The following TMEM163 variants were observed in gnomAD, a reference collection of about 807,000 sequenced individuals.
TMEM163 encodes the protein transmembrane protein 163.
A neutral mutation model predicts 29.3 loss-of-function variants in TMEM163; 17 were observed. The observed-to-expected ratio is 0.58, with a 90% CI of 0.40 to 0.87. The LOEUF (loss-of-function observed/expected upper bound fraction) is 0.87. TMEM163 is among the 40% of genes least tolerant of loss of function. The pLI, the probability that TMEM163 is intolerant of heterozygous loss-of-function variation, is 0.00. For missense variants in TMEM163, 303 were observed against 381.5 expected (o/e 0.79, Z 1.71); for synonymous variants, 157 against 160.6 (o/e 0.98, Z 0.17).
chr2:134,571,760 A>T (rs772699978), intron 2 of TMEM163, among the ~76,000 whole-genome samples: 1 of 152,200 alleles, frequency 6.6e-6, no homozygotes, highest in Non-Finnish European at 1.5e-5. Flanking sequence ...TTCCTCTAGC[A>T]TCAAGTTGGG....
At chr2:134,523,753 G>A (rs1270023233) in intron 4 of TMEM163, among the ~76,000 whole-genome samples, 1 of 152,160 alleles carries the variant, frequency 6.6e-6, no homozygotes, top group African/African-American at 2.4e-5. Flanking sequence ...GAAGTGGGGA[G>A]GGGTCCTGAA....
chr2:134,514,095 A>G (rs1284660185), intron 4 of TMEM163, among the ~76,000 whole-genome samples: 1 of 152,196 alleles, frequency 6.6e-6, no homozygotes, highest in Non-Finnish European at 1.5e-5. Flanking sequence ...GCTGAGGTTA[A>G]AGAAGAAGGG....
intron 5 of TMEM163, among the ~76,000 whole-genome samples, chr2:134,485,668 T>G (rs1679291668): frequency 6.6e-6 from 1 of 152,188 alleles, no homozygotes; most frequent in Non-Finnish European, 1.5e-5. Context: ...ATAATCTCCT[T>G]TACTTAAAGA....
intron 2 of TMEM163, among the ~76,000 whole-genome samples, chr2:134,677,256 C>T (rs568878245): frequency 1.3e-5 from 2 of 152,160 alleles, no homozygotes; most frequent in African/African-American, 2.4e-5. Flanking sequence ...CGCTGGCCTG[C>T]GACATGGAGC....
At chr2:134,700,941 A>AATAAATAAATAAATAC (rs371684167) in intron 2 of TMEM163, among the ~76,000 whole-genome samples, 9 of 146,368 alleles carry the variant, frequency 6.1e-5, no homozygotes, top group African/African-American at 1.8e-4. Context: ...TAAATAAATA[A>AATAAATAAATAAATAC]ATAAATAAAG....
intron 2 of TMEM163, among the ~76,000 whole-genome samples, chr2:134,608,776 G>GAGA (rs1682421753): frequency 2.3e-5 from 1 of 43,678 alleles, no homozygotes; most frequent in African/African-American, 9.8e-5. Flanking sequence ...TGGTGAAAAG[G>GAGA]ACAGACCCCG....
chr2:134,654,217 A>G (rs1683546635), intron 2 of TMEM163, among the ~76,000 whole-genome samples: 1 of 131,116 alleles, frequency 7.6e-6, no homozygotes, highest in Non-Finnish European at 1.6e-5. Context: ...CTTGCTTTAT[A>G]AATCTGGCTG....
chr2:134,462,217 A>G (rs1042406017), intron 6 of TMEM163, among the ~76,000 whole-genome samples: 2 of 151,672 alleles, frequency 1.3e-5, no homozygotes, highest in African/African-American at 2.4e-5. Context: ...TGACCATTCT[A>G]TACCTACCCT....
At chr2:134,601,281 C>G (rs924732259) in intron 2 of TMEM163, among the ~76,000 whole-genome samples, 1 of 152,110 alleles carries the variant, frequency 6.6e-6, no homozygotes, top group African/African-American at 2.4e-5. Context: ...TCTGTTCTAG[C>G]TAAAGGATAA....
chr2:134,595,705 T>G (rs1274495630), intron 2 of TMEM163, among the ~76,000 whole-genome samples: 2 of 152,246 alleles, frequency 1.3e-5, no homozygotes, highest in African/African-American at 4.8e-5. Flanking sequence ...TCTTCCACAA[T>G]GGTTGAACTA....
At chr2:134,570,499 CATATACATATACATAT>C in intron 2 of TMEM163, among the ~76,000 whole-genome samples, 2 of 140,862 alleles carry the variant, frequency 1.4e-5, no homozygotes, top group African/African-American at 6.4e-5. Flanking sequence ...TATACATATA[CATATACATATACATAT>C]ACATATACAA....
At chr2:134,570,180 T>C (rs1010438350) in intron 2 of TMEM163, among the ~76,000 whole-genome samples, 2 of 152,146 alleles carry the variant, frequency 1.3e-5, no homozygotes, top group Admixed American at 6.5e-5. Context: ...AATCACATGC[T>C]GATGTTGCTA....
At chr2:134,645,936 G>A (rs1683326609) in intron 2 of TMEM163, among the ~76,000 whole-genome samples, 1 of 152,054 alleles carries the variant, frequency 6.6e-6, no homozygotes, top group Non-Finnish European at 1.5e-5. Flanking sequence ...AAAAAACAAA[G>A]TTGATTTTAC....
chr2:134,626,233 T>C (rs1458611065), intron 2 of TMEM163, among the ~76,000 whole-genome samples: 1 of 150,170 alleles, frequency 6.7e-6, no homozygotes, highest in African/African-American at 2.5e-5. Flanking sequence ...GCCTCCCGAG[T>C]AACTGGCATT....
At chr2:134,583,377 T>C (rs1392497118) in intron 2 of TMEM163, among the ~76,000 whole-genome samples, 2 of 152,218 alleles carry the variant, frequency 1.3e-5, no homozygotes, top group Non-Finnish European at 2.9e-5. Context: ...GCATCATTAT[T>C]ACCTTCTGGG....
chr2:134,515,459 G>C (rs1205498129), intron 4 of TMEM163, among the ~76,000 whole-genome samples: 1 of 152,088 alleles, frequency 6.6e-6, no homozygotes, highest in African/African-American at 2.4e-5. Flanking sequence ...CTATTTTCCA[G>C]TGTTTCTAAC....
chr2:134,495,140 C>T (rs757033688), intron 5 of TMEM163, among the ~76,000 whole-genome samples: 14 of 152,134 alleles, frequency 9.2e-5, no homozygotes, highest in Admixed American at 2.6e-4. Context: ...CTTCAGAGAG[C>T]GCTTTCACGA....
chr2:134,458,287 C>G, intron 6 of TMEM163, 114 bp from the exon 7 acceptor site: 6 of 1,315,028 alleles, frequency 4.6e-6, no homozygotes, highest in Non-Finnish European at 6.3e-6. Flanking sequence ...GAATGATGCC[C>G]AAAGCTCTCA....
intron 2 of TMEM163, among the ~76,000 whole-genome samples, chr2:134,687,089 A>C (rs1367915161): frequency 6.6e-6 from 1 of 152,224 alleles, no homozygotes; most frequent in Non-Finnish European, 1.5e-5. Context: ...AAGACTATAC[A>C]AACATCCTTG....
Sources: gnomAD v4.1 joint callset for allele counts (sites outside exome capture counted in the v4.1 genomes callset) on GRCh38, gnomAD v4.1.1 for gene constraint, MANE v1.5 for transcripts, NCBI Gene and HGNC (gene_info 2026-07-23, HGNC 2026-07-21) for gene names.